DEUP1: variants seen among roughly 807,000 people sequenced by gnomAD.
DEUP1 encodes the protein coiled-coil domain containing 67.
Under a neutral mutation model 87.4 loss-of-function variants are expected in DEUP1, and 82 were observed. That is an observed-to-expected ratio of 0.94 (90% CI 0.78 to 1.13). The LOEUF (loss-of-function observed/expected upper bound fraction) is 1.13, where lower values mean the gene tolerates loss of function less well. Ranked by LOEUF, DEUP1 falls within the 50% of genes most tolerant of loss-of-function variation. DEUP1 has a pLI of 0.00. For missense variants in DEUP1, 663 were observed against 681.5 expected (o/e 0.97, Z 0.30); for synonymous variants, 214 against 222.7 (o/e 0.96, Z 0.35).
intron 7 of DEUP1, among the ~76,000 whole-genome samples, chr11:93,373,634 T>C (rs1476913911): frequency 1.9e-4 from 27 of 143,724 alleles, no homozygotes; most frequent in African/African-American, 6.4e-4. Flanking sequence ...CGTATATATA[T>C]ATATATATAT....
At chr11:93,339,380 C>T (rs778860717) in intron 2 of DEUP1, among the ~76,000 whole-genome samples, 2 of 152,144 alleles carry the variant, frequency 1.3e-5, no homozygotes, top group Non-Finnish European at 2.9e-5. Context: ...AAATGGTTTC[C>T]AAATTTTCTC....
At chr11:93,375,978 C>G (rs2134287669) in intron 7 of DEUP1, among the ~76,000 whole-genome samples, 1 of 152,206 alleles carries the variant, frequency 6.6e-6, no homozygotes, top group African/African-American at 2.4e-5. Context: ...TAAACAGTGT[C>G]TCACTCTGTT....
At position 93,437,743 on chromosome 11, in the gene DEUP1, T is replaced by TGGCCGCCCGCC; in HGVS notation, c.*24_*25insGGCCGCCCGCC. The TGGCCGCCCGCC allele has an allele frequency of 1.1e-6, 1 of 927,224 alleles. No homozygotes were observed. Among genetic ancestry groups the TGGCCGCCCGCC allele is most frequent in the Non-Finnish European group, 1.6e-6 (1 of 624,590 alleles). 57.4% of individuals were successfully genotyped at this position (927,224 alleles called of 1,614,324 possible). On this transcript the variant is annotated 3_prime_UTR_variant, in exon 14 of 14. Coordinates refer to ENST00000298050, the MANE Select transcript of DEUP1 (RefSeq NM_181645.4). ...GAGCTTTTAAACTTTTTTATTTGCT[T>TGGCCGCCCGCC]CCCCCCCCCACCCCCGCCAAGAAAA...
chr11:93,411,854 G>A (rs1947444624), intron 12 of DEUP1, among the ~76,000 whole-genome samples: 1 of 152,182 alleles, frequency 6.6e-6, no homozygotes, highest in Non-Finnish European at 1.5e-5. Context: ...TTCAAGTCTA[G>A]CTAATAAATT....
At position 93,349,200 on chromosome 11, in the gene DEUP1, T is replaced by C. The variant is rs139659066; in HGVS notation, c.30-6171T>C. Among the ~76,000 whole-genome samples, 197 of 152,254 alleles carry C rather than the reference T, an allele frequency of 1.3e-3. 1 individual carries two copies. The highest frequency in any genetic ancestry group is 4.6e-3 in the African/African-American group (189 of 41,536). The stretch of plus-strand genomic sequence containing the variant: ...TACCTTACACAGTGCTTAATGAATG[T>C]TTGCTGAAAGAACTAGTGATGATGA... On this transcript the variant is annotated intron_variant, in intron 2 of 13. Transcript: ENST00000298050.
At chr11:93,414,301 C>G (rs1947536401) in intron 12 of DEUP1, among the ~76,000 whole-genome samples, 2 of 152,154 alleles carry the variant, frequency 1.3e-5, no homozygotes, top group Admixed American at 6.5e-5. Context: ...ATCACAAGGT[C>G]AGGAGATCGA....
At chr11:93,334,451 G>A (rs754275159) in intron 2 of DEUP1, among the ~76,000 whole-genome samples, 3 of 152,176 alleles carry the variant, frequency 2.0e-5, no homozygotes, top group Non-Finnish European at 4.4e-5. Context: ...TAGTGGAAGA[G>A]ACAGATAATA....
chr11:93,372,613 T>C (rs1009971397), intron 7 of DEUP1, among the ~76,000 whole-genome samples: 15 of 152,208 alleles, frequency 9.9e-5, no homozygotes, highest in African/African-American at 3.1e-4. Flanking sequence ...TTCCCCATGC[T>C]TGGTAAGGGA....
At chr11:93,420,574 A>G (rs1472496119) in intron 13 of DEUP1, among the ~76,000 whole-genome samples, 1 of 146,106 alleles carries the variant, frequency 6.8e-6, no homozygotes, top group Non-Finnish European at 1.5e-5. Flanking sequence ...GCAATTAGGC[A>G]GGAGAAGGAA....
intron 2 of DEUP1, among the ~76,000 whole-genome samples, chr11:93,346,495 G>A (rs1276377156): frequency 6.6e-6 from 1 of 152,136 alleles, no homozygotes; most frequent in African/African-American, 2.4e-5. Flanking sequence ...TCAAAGTATT[G>A]GGATTACAGG....
intron 7 of DEUP1, chr11:93,383,512 G>A (rs1020294581): frequency 2.0e-5 from 12 of 609,122 alleles, no homozygotes; most frequent in South Asian, 4.2e-5. Flanking sequence ...TTTCCTTTGG[G>A]GATGATGAAA....
intron 13 of DEUP1, among the ~76,000 whole-genome samples, chr11:93,436,849 A>G (rs1307213450): frequency 6.6e-6 from 1 of 152,234 alleles, no homozygotes; most frequent in Non-Finnish European, 1.5e-5. Flanking sequence ...GAAGAATTGT[A>G]AAATTATCTG....
At chr11:93,378,909 A>G (rs921952600) in intron 7 of DEUP1, among the ~76,000 whole-genome samples, 3 of 152,026 alleles carry the variant, frequency 2.0e-5, no homozygotes, top group African/African-American at 7.3e-5. Context: ...GGGAGCTGCA[A>G]GTTAGTCCTG....
chr11:93,378,605 A>T lies in DEUP1; in HGVS notation c.790-6793A>T, dbSNP rs534191736. ...AGAGATTTCTCCTTGTTTTTGATCC[A>T]TTGCTGGCGAGCTAGTGTGATCTTT... On this transcript the variant is annotated intron_variant, in intron 7 of 13. Coordinates refer to ENST00000298050, the MANE Select transcript of DEUP1 (RefSeq NM_181645.4). Among the ~76,000 whole-genome samples the T allele has an allele frequency of 4.6e-5, 7 of 152,000 alleles. No individual in the cohort carries two copies. The East Asian group carries it at 1.4e-3, about 29-fold the overall frequency.
intron 7 of DEUP1, among the ~76,000 whole-genome samples, chr11:93,378,312 T>G (rs117384439): frequency 0.17 from 25,178 of 152,084 alleles, 2,254 homozygotes; most frequent in Non-Finnish European, 0.21. Context: ...TTTAAATTCT[T>G]TTTTGTCTTT....
chr11:93,410,780 T>G (rs895676302), intron 12 of DEUP1, among the ~76,000 whole-genome samples: 1 of 152,210 alleles, frequency 6.6e-6, no homozygotes, highest in Admixed American at 6.5e-5. Flanking sequence ...TTTTTTCTCT[T>G]TGTCAGGCAG....
chr11:93,366,783 T>G (rs1471366732), intron 5 of DEUP1, among the ~76,000 whole-genome samples: 2 of 152,198 alleles, frequency 1.3e-5, no homozygotes, highest in African/African-American at 4.8e-5. Flanking sequence ...AATATTTATT[T>G]TCAAGATTAT....
At chr11:93,361,807 A>T (rs1945189166) in intron 4 of DEUP1, among the ~76,000 whole-genome samples, 1 of 152,116 alleles carries the variant, frequency 6.6e-6, no homozygotes, top group African/African-American at 2.4e-5. Flanking sequence ...AAATGGTCTA[A>T]ATACACCAAC....
chr11:93,391,940 G>A (rs749574246), intron 9 of DEUP1, among the ~76,000 whole-genome samples: 3 of 152,104 alleles, frequency 2.0e-5, no homozygotes, highest in East Asian at 1.9e-4. Flanking sequence ...CCTTGTTCTC[G>A]TTCCTGTGAC....
Sources: gnomAD v4.1 joint callset for allele counts (sites outside exome capture counted in the v4.1 genomes callset) on GRCh38, gnomAD v4.1.1 for gene constraint, MANE v1.5 for transcripts, NCBI Gene and HGNC (gene_info 2026-07-23, HGNC 2026-07-21) for gene names.